EPM2A: variants seen among roughly 807,000 people sequenced by gnomAD.
EPM2A encodes laforin.
EPM2A carries 21 observed loss-of-function variants against 26.5 expected under a neutral mutation model. The ratio of observed to expected loss-of-function variants is 0.79; its 90% CI spans 0.56 to 1.14. The LOEUF (loss-of-function observed/expected upper bound fraction) is 1.14, where lower values mean the gene tolerates loss of function less well. EPM2A is among the 50% of genes most tolerant of loss of function. EPM2A has a pLI of 0.00. For missense variants in EPM2A, 458 were observed against 440.8 expected (o/e 1.04, Z -0.35); for synonymous variants, 217 against 177.6 (o/e 1.22, Z -1.76).
At chr6:145,494,117 CT>C in intron 4 of EPM2A, among the ~76,000 whole-genome samples, 1 of 152,096 alleles carries the variant, frequency 6.6e-6, no homozygotes, top group Admixed American at 6.5e-5. Context: ...TGGTCGTGGG[CT>C]TTTTTAGGTT....
At chr6:145,425,656 T>C (rs1778846055) in intron 4 of EPM2A, among the ~76,000 whole-genome samples, 1 of 151,238 alleles carries the variant, frequency 6.6e-6, no homozygotes, top group Admixed American at 6.6e-5. Context: ...AAAGAAAAAC[T>C]ATATAAATCA....
intron 2 of EPM2A, among the ~76,000 whole-genome samples, chr6:145,584,836 C>T (rs1781167058): frequency 6.6e-6 from 1 of 152,310 alleles, no homozygotes; most frequent in Non-Finnish European, 1.5e-5. Flanking sequence ...TGAAGATCTG[C>T]TAGGAGTGTG....
chr6:145,561,307 C>T lies in EPM2A; in HGVS notation c.341-58732G>A, dbSNP rs141233778. Among the ~76,000 whole-genome samples the T allele has an allele frequency of 7.7e-3, 1,172 of 152,202 alleles. 16 individuals carry two copies. The highest frequency in any genetic ancestry group is 0.027 in the African/African-American group (1,116 of 41,518). ...GGTATGTAGTGGGCTATACCATCTG[C>T]TATTGTGTAAGTATACTCTATGATG... On this transcript the variant is annotated intron_variant, in intron 2 of 3. Transcript: ENST00000450221.
chr6:145,433,583 T>C (rs1161157440), intron 4 of EPM2A, among the ~76,000 whole-genome samples: 1 of 152,202 alleles, frequency 6.6e-6, no homozygotes, highest in Non-Finnish European at 1.5e-5. Flanking sequence ...TGGACCTTTA[T>C]ACATTCTTTT....
At chr6:145,453,298 T>C (rs568492551) in intron 4 of EPM2A, among the ~76,000 whole-genome samples, 60 of 152,292 alleles carry the variant, frequency 3.9e-4, no homozygotes, top group African/African-American at 1.4e-3. Flanking sequence ...CTGAAGTTGG[T>C]TAAGAGAATG....
chr6:145,626,224 G>T lies in EPM2A; in HGVS notation c.*1192C>A, dbSNP rs2128555142. 2.0e-6 allele frequency: 2 copies of T among 991,610 alleles called. No individual in the cohort carries two copies. Among genetic ancestry groups the T allele is most frequent in the South Asian group, 9.1e-5 (2 of 21,870 alleles). 61.4% of individuals were successfully genotyped at this position (991,610 alleles called of 1,614,324 possible). On this transcript the variant is annotated 3_prime_UTR_variant, in exon 4 of 4. Transcript: ENST00000367519. The stretch of plus-strand genomic sequence containing the variant: ...GTCTGTTTCTAGGCAGCACATTTTT[G>T]AAGGCAAAGTTGTTCATCTCTGTAT...
chr6:145,391,191 A>G (rs1040065948), intron 4 of EPM2A, among the ~76,000 whole-genome samples: 1 of 152,244 alleles, frequency 6.6e-6, no homozygotes, highest in South Asian at 2.1e-4. Flanking sequence ...GCTAACCACC[A>G]TTAAGCTTTC....
chr6:145,407,383 T>C (rs1203953169), intron 4 of EPM2A, among the ~76,000 whole-genome samples: 1 of 152,176 alleles, frequency 6.6e-6, no homozygotes, highest in Non-Finnish European at 1.5e-5. Flanking sequence ...CAGGGCCTAC[T>C]TAATTCTAGA....
chr6:145,417,088 G>A (rs541968564), intron 4 of EPM2A, among the ~76,000 whole-genome samples: 154 of 152,164 alleles, frequency 1.0e-3, no homozygotes, highest in Admixed American at 2.7e-3. Flanking sequence ...CCTTGTTGGC[G>A]TTCCAGGGAA....
At chr6:145,573,331 G>T (rs758711777) in intron 2 of EPM2A, among the ~76,000 whole-genome samples, 4 of 152,252 alleles carry the variant, frequency 2.6e-5, no homozygotes, top group Non-Finnish European at 4.4e-5. Flanking sequence ...GGGCTTTATG[G>T]ACAGGAATAG....
In EPM2A at chr6:145,706,709, T is replaced by C. The variant is rs187577721; in HGVS notation, c.302-20413A>G. 1.4e-4 allele frequency among the ~76,000 whole-genome samples: 21 copies of C among 152,340 alleles called. 1 individual carries two copies. Among genetic ancestry groups the C allele is most frequent in the Admixed American group, 1.4e-3 (21 of 15,306 alleles). On this transcript the variant is annotated intron_variant, in intron 1 of 3. Coordinates refer to ENST00000367519, the MANE Select transcript of EPM2A (RefSeq NM_005670.4). ...AGGAATGTGTATACGCATGTGTTAG[T>C]GTTGTGTATTAATAAGATGGTTTTG...
chr6:145,423,408 C>G (rs1227230392), intron 4 of EPM2A, among the ~76,000 whole-genome samples: 3 of 152,126 alleles, frequency 2.0e-5, no homozygotes, highest in Non-Finnish European at 4.4e-5. Flanking sequence ...GTGGCCTTGA[C>G]TGTCAAGTTT....
intron 1 of EPM2A, among the ~76,000 whole-genome samples, chr6:145,703,814 G>T (rs987442780): frequency 6.6e-6 from 1 of 152,074 alleles, no homozygotes; most frequent in Non-Finnish European, 1.5e-5. Context: ...TAATTTTCTA[G>T]GAAATTCTGA....
chr6:145,466,400 C>T (rs1028661019), intron 4 of EPM2A, among the ~76,000 whole-genome samples: 5 of 152,182 alleles, frequency 3.3e-5, no homozygotes, highest in African/African-American at 1.2e-4. Flanking sequence ...AAATGCTCAT[C>T]ATCACTGGCC....
chr6:145,608,070 A>G (rs1775304268), intron 2 of EPM2A, among the ~76,000 whole-genome samples: 1 of 152,158 alleles, frequency 6.6e-6, no homozygotes, highest in African/African-American at 2.4e-5. Context: ...TTAATCATCT[A>G]TGGTCCCAAA....
intron 2 of EPM2A, among the ~76,000 whole-genome samples, chr6:145,563,882 A>G (rs11155431): frequency 0.02 from 3,054 of 152,298 alleles, 41 homozygotes; most frequent in Non-Finnish European, 0.029. Context: ...TAAACTAAGT[A>G]CACTTTATAT....
intron 1 of EPM2A, among the ~76,000 whole-genome samples, chr6:145,702,509 C>G (rs1781976073): frequency 6.6e-6 from 1 of 152,052 alleles, no homozygotes; most frequent in Non-Finnish European, 1.5e-5. Context: ...CTATCTGCCT[C>G]ATAGGGCTGT....
At chr6:145,694,700 G>T (rs1392453931) in intron 1 of EPM2A, among the ~76,000 whole-genome samples, 2 of 152,020 alleles carry the variant, frequency 1.3e-5, no homozygotes, top group East Asian at 3.8e-4. Context: ...CCCTGATCAT[G>T]AGACCACCAA....
In EPM2A at chr6:145,735,408, G is replaced by A. The variant is rs2128649867; in HGVS notation, c.91C>T (p.Arg31Cys). The A allele has an allele frequency of 2.4e-6, 3 of 1,240,990 alleles. No individual in the cohort carries two copies. Among genetic ancestry groups the A allele is most frequent in the Middle Eastern group, 3.1e-4 (1 of 3,194 alleles). The allele number at this position is 1,240,990 out of a possible 1,614,324, so 76.9% of individuals were successfully genotyped here. The change falls in exon 1 of 4, where the codon CGT (arginine) becomes TGT (cysteine). Residue 31 changes from arginine to cysteine, a missense_variant. By Grantham distance (180) the Arg-to-Cys change is radical. Transcript: ENST00000367519. ...LVVGSRPELG[R>C]WEPRGAVRLR... The stretch of plus-strand genomic sequence containing the variant: ...CGGACGGCACCGCGCGGCTCCCAAC[G>A]CCCCAGCTCGGGCCGCGACCCCACC...
Sources: allele counts gnomAD v4.1 joint callset (sites outside exome capture counted in the v4.1 genomes callset), GRCh38; gene constraint gnomAD v4.1.1; transcripts MANE v1.5; gene names NCBI Gene and HGNC (gene_info 2026-07-23, HGNC 2026-07-21).